Variants in PARN observed in about 807,000 individuals in gnomAD.
PARN encodes poly(A)-specific ribonuclease PARN.
PARN carries 71 observed loss-of-function variants against 102.8 expected under a neutral mutation model. The observed-to-expected ratio is 0.69, with a 90% CI of 0.57 to 0.84. The LOEUF (loss-of-function observed/expected upper bound fraction) is 0.84, where lower values mean the gene tolerates loss of function less well. Among genes scored for constraint, PARN ranks in the 40% least tolerant of loss-of-function variants. The pLI, the probability that PARN is intolerant of heterozygous loss-of-function variation, is 0.00. For missense variants in PARN, 782 were observed against 760.9 expected (o/e 1.03, Z -0.33); for synonymous variants, 261 against 252.9 (o/e 1.03, Z -0.30).
chr16:14,502,688 A>C (rs1276133944), intron 21 of PARN, among the ~76,000 whole-genome samples: 1 of 152,216 alleles, frequency 6.6e-6, no homozygotes, highest in Non-Finnish European at 1.5e-5. Context: ...GTACCTAGCA[A>C]ATATACGATC....
intron 22 of PARN, among the ~76,000 whole-genome samples, chr16:14,449,986 A>G (rs1961377699): frequency 6.6e-6 from 1 of 152,238 alleles, no homozygotes; most frequent in African/African-American, 2.4e-5. Flanking sequence ...TACCTCCTAC[A>G]ATGCAAAAAT....
intron 21 of PARN, among the ~76,000 whole-genome samples, chr16:14,535,838 T>C (rs1405902544): frequency 2.0e-5 from 3 of 152,202 alleles, no homozygotes; most frequent in African/African-American, 7.2e-5. Flanking sequence ...ACAGAGTACA[T>C]ACAGGCTTTC....
chr16:14,604,232 A>G lies in PARN; in HGVS notation c.703-6T>C, dbSNP rs370304152. ...ATAACTATATATCGCTCCTTCTAAA[A>G]GACATAAAGCAGATATACAATTTTC... On this transcript the variant is annotated splice_region_variant and splice_polypyrimidine_tract_variant and intron_variant, in intron 10 of 23. Coordinates refer to ENST00000437198, the MANE Select transcript of PARN (RefSeq NM_002582.4). The G allele has an allele frequency of 7.7e-5, 118 of 1,539,566 alleles. 1 individual carries two copies. Among genetic ancestry groups the G allele is most frequent in the Non-Finnish European group, 1.0e-4 (116 of 1,125,802 alleles).
At chr16:14,624,866 A>T (rs1287217139) in intron 5 of PARN, among the ~76,000 whole-genome samples, 1 of 152,214 alleles carries the variant, frequency 6.6e-6, no homozygotes, top group African/African-American at 2.4e-5. Flanking sequence ...AGCCTGACCA[A>T]CATGGAAAAA....
intron 13 of PARN, among the ~76,000 whole-genome samples, chr16:14,593,089 T>C (rs1970292625): frequency 6.6e-6 from 1 of 151,938 alleles, no homozygotes; most frequent in East Asian, 1.9e-4. Context: ...CAAGCCAAGA[T>C]TGCACCACTG....
rs558446846 is a variant in PARN at position 14,530,595 on chromosome 16, T to C, written c.1480+21426A>G. Among the ~76,000 whole-genome samples, 3 of 152,232 alleles carry C rather than the reference T, an allele frequency of 2.0e-5. No homozygotes were observed. In the South Asian group the frequency reaches 6.2e-4, roughly 32 times the overall value. On this transcript the variant is annotated intron_variant, in intron 21 of 23. Transcript: ENST00000437198. ...GACACACTGACATTTTCTAACTTCT[T>C]CCATTTTATTAAAAATGCTGGTCAC...
chr16:14,474,178 T>C (rs957677619), intron 22 of PARN, among the ~76,000 whole-genome samples: 1 of 152,038 alleles, frequency 6.6e-6, no homozygotes, highest in Non-Finnish European at 1.5e-5. Flanking sequence ...TGTTTGTTTG[T>C]TTGTTTTTTG....
At chr16:14,441,927 C>A (rs1467869203) in intron 23 of PARN, among the ~76,000 whole-genome samples, 2 of 152,124 alleles carry the variant, frequency 1.3e-5, no homozygotes, top group African/African-American at 4.8e-5. Flanking sequence ...TTGAAAAGTT[C>A]AGCAGGTTAG....
At chr16:14,469,404 G>C (rs1018149142) in intron 22 of PARN, among the ~76,000 whole-genome samples, 1 of 152,188 alleles carries the variant, frequency 6.6e-6, no homozygotes, top group Non-Finnish European at 1.5e-5. Context: ...GGGAAAAAGA[G>C]GCACAAAAGG....
intron 22 of PARN, among the ~76,000 whole-genome samples, chr16:14,453,113 T>C (rs915614642): frequency 3.9e-5 from 6 of 152,218 alleles, no homozygotes; most frequent in African/African-American, 1.4e-4. Flanking sequence ...TACAGATTTA[T>C]AATGTACAAA....
At position 14,582,280 on chromosome 16, in the gene PARN, C is replaced by G. The variant is rs1218448930; in HGVS notation, c.1093G>C (p.Gly365Arg). The G allele has an allele frequency of 6.2e-7, 1 of 1,612,370 alleles. No homozygotes were observed. The highest frequency in any genetic ancestry group is 8.5e-7 in the Non-Finnish European group (1 of 1,178,564). ...GAGGCTGTGTCATAACTTGGAAAAC[C>G]TTCGGCACTTTCTAAGAAAAAAAAG... ...FNPPKVESAEGFPSYDTASEQ... is the reference protein window; with the variant it reads ...FNPPKVESAERFPSYDTASEQ... The change falls in exon 17 of 24, where the codon GGT becomes CGT. Residue 365 changes from glycine to arginine, a missense_variant. Coordinates refer to ENST00000437198, the MANE Select transcript of PARN (RefSeq NM_002582.4).
chr16:14,492,715 A>C (rs959914001), intron 21 of PARN, among the ~76,000 whole-genome samples: 2 of 152,344 alleles, frequency 1.3e-5, no homozygotes, highest in African/African-American at 2.4e-5. Flanking sequence ...CAAAGAAAAC[A>C]GTCTTTACAA....
At position 14,593,307 on chromosome 16, in the gene PARN, C is replaced by T. The variant is rs1970307733; in HGVS notation, c.912G>A (p.Leu304=). 1 of 1,567,388 alleles carries T rather than the reference C, an allele frequency of 6.4e-7. No individual in the cohort carries two copies. Among genetic ancestry groups the T allele is most frequent in the Non-Finnish European group, 8.8e-7 (1 of 1,137,868 alleles). The change falls in exon 13 of 24, where the codon CTG becomes CTA. Residue 304 remains leucine, a synonymous_variant. Transcript: ENST00000437198. ...AGACCAACAGGTCACTTACCGCAGG[C>T]AGAGGGCAGTAGAACTGATGAACTG... The part of the protein sequence containing the change: ...MHTVHQFYCP[L]PADLSEFKEM...
intron 18 of PARN, among the ~76,000 whole-genome samples, chr16:14,580,347 G>A (rs112210983): frequency 0.18 from 27,179 of 151,676 alleles, 2,837 homozygotes; most frequent in Middle Eastern, 0.28. Context: ...CAGTGCAGTG[G>A]TGCAATCTCA....
chr16:14,456,098 CTATTT>C (rs1419915700), intron 22 of PARN, among the ~76,000 whole-genome samples: 3 of 152,038 alleles, frequency 2.0e-5, no homozygotes, highest in Non-Finnish European at 2.9e-5. Flanking sequence ...ACTCTCTATT[CTATTT>C]TGTTTCACTA....
intron 22 of PARN, among the ~76,000 whole-genome samples, chr16:14,471,426 G>GCATTCTCTC (rs1962732660): frequency 6.6e-6 from 1 of 152,010 alleles, no homozygotes; most frequent in Non-Finnish European, 1.5e-5. Context: ...TTTCACATCA[G>GCATTCTCTC]CATTCTCTCC....
chr16:14,442,756 C>G (rs775669288), intron 23 of PARN, among the ~76,000 whole-genome samples: 1 of 152,012 alleles, frequency 6.6e-6, no homozygotes, highest in Non-Finnish European at 1.5e-5. Flanking sequence ...TAGCTGGGAG[C>G]ACCACCATTC....
At chr16:14,597,112 C>T (rs1970569332) in intron 12 of PARN, among the ~76,000 whole-genome samples, 1 of 151,784 alleles carries the variant, frequency 6.6e-6, no homozygotes, top group Non-Finnish European at 1.5e-5. Flanking sequence ...AGAAGAATTC[C>T]AAGAATAAAT....
chr16:14,486,679 T>C (rs189997408), intron 21 of PARN, among the ~76,000 whole-genome samples: 1 of 152,346 alleles, frequency 6.6e-6, no homozygotes, highest in African/African-American at 2.4e-5. Context: ...CCAGCATTCC[T>C]TGAGTCCCAG....
Sources: gnomAD v4.1 joint callset for allele counts (sites outside exome capture counted in the v4.1 genomes callset) on GRCh38, gnomAD v4.1.1 for gene constraint, MANE v1.5 for transcripts, NCBI Gene and HGNC (gene_info 2026-07-23, HGNC 2026-07-21) for gene names.